Variants in STAG1 observed in about 807,000 individuals in gnomAD.
STAG1 encodes the protein STAG1 cohesin complex component.
STAG1 carries 26 observed loss-of-function variants against 170.9 expected under a neutral mutation model. That is an observed-to-expected ratio of 0.15 (90% CI 0.11 to 0.21). The LOEUF is 0.21. STAG1 is among the 10% of genes least tolerant of loss of function. The pLI is 1.00. For missense variants in STAG1, 964 were observed against 1,509.5 expected, an observed-to-expected ratio of 0.64 and a Z score of 5.99; for synonymous variants, 514 against 497.7, an observed-to-expected ratio of 1.03 and a Z score of -0.44.
At chr3:136,517,760 C>T (rs1398886476) in intron 7 of STAG1, among the ~76,000 whole-genome samples, 1 of 151,962 alleles carries the variant, frequency 6.6e-6, no homozygotes, top group Non-Finnish European at 1.5e-5. Context: ...AACTGTACTA[C>T]TATGTCCCAC....
rs140672973 is a variant in STAG1 at position 136,628,027 on chromosome 3, C to T, written c.29+2843G>A. ...TGCTGATACGGTTTGGCTCTGTGTC[C>T]TCACCAAAATCTCATCTCGAACTGT... On this transcript the variant is annotated intron_variant, in intron 2 of 33. Transcript: ENST00000383202. Among the ~76,000 whole-genome samples, 3 of 152,272 alleles carry T rather than the reference C, an allele frequency of 2.0e-5. No homozygotes were observed. The East Asian group carries it at 5.8e-4, about 29-fold the overall frequency.
intron 16 of STAG1, among the ~76,000 whole-genome samples, chr3:136,431,015 TGCCTCAG>T (rs1435989143): frequency 1.3e-5 from 2 of 152,134 alleles, no homozygotes; most frequent in Non-Finnish European, 2.9e-5. Context: ...GCAATTCTCC[TGCCTCAG>T]CCTCTCGAGT....
chr3:136,646,529 T>C (rs554102250), intron 1 of STAG1, among the ~76,000 whole-genome samples: 12 of 152,352 alleles, frequency 7.9e-5, no homozygotes, highest in Non-Finnish European at 1.3e-4. Context: ...AAATAAGGTA[T>C]CCTTGTGGGA....
intron 1 of STAG1, among the ~76,000 whole-genome samples, chr3:136,686,906 G>C (rs560688260): frequency 6.6e-6 from 1 of 152,184 alleles, no homozygotes; most frequent in Non-Finnish European, 1.5e-5. Context: ...GAGATGCAAT[G>C]GCTTAAGCTG....
chr3:136,487,806 A>G (rs1027587760), intron 9 of STAG1, among the ~76,000 whole-genome samples: 1 of 152,216 alleles, frequency 6.6e-6, no homozygotes, highest in Non-Finnish European at 1.5e-5. Flanking sequence ...AATATAATGT[A>G]GTAGAAATGA....
At chr3:136,538,204 C>T (rs1327535233) in intron 6 of STAG1, among the ~76,000 whole-genome samples, 6 of 152,036 alleles carry the variant, frequency 3.9e-5, no homozygotes, top group South Asian at 2.1e-4. Flanking sequence ...ATAATGATAG[C>T]GCAATACTAT....
At chr3:136,716,108 A>G (rs536754483) in intron 1 of STAG1, among the ~76,000 whole-genome samples, 75 of 151,690 alleles carry the variant, frequency 4.9e-4, no homozygotes, top group Non-Finnish European at 3.2e-4. Context: ...AAAAAATAAT[A>G]ATAAAAATTA....
chr3:136,688,828 T>C (rs897779321), intron 1 of STAG1, among the ~76,000 whole-genome samples: 2 of 152,170 alleles, frequency 1.3e-5, no homozygotes, highest in African/African-American at 4.8e-5. Context: ...AAGATGAAAG[T>C]TTGTGAGCCC....
intron 25 of STAG1, among the ~76,000 whole-genome samples, chr3:136,364,735 G>T (rs1937010943): frequency 6.6e-6 from 1 of 152,050 alleles, no homozygotes; most frequent in Admixed American, 6.6e-5. Context: ...TAATCAAAAG[G>T]TTTCATTTAA....
intron 7 of STAG1, 151 bp downstream of exon 7, chr3:136,521,062 T>C (rs1025517088): frequency 5.8e-6 from 4 of 693,556 alleles, no homozygotes; most frequent in Admixed American, 3.1e-5. Context: ...ATGCCAGTTA[T>C]GAAAACAGGC....
chr3:136,705,424 C>CTT (rs1491492781), intron 1 of STAG1, among the ~76,000 whole-genome samples: 132 of 131,240 alleles, frequency 1.0e-3, no homozygotes, highest in African/African-American at 1.7e-3. Context: ...CACACACACA[C>CTT]AACGAAGTTC....
intron 1 of STAG1, among the ~76,000 whole-genome samples, chr3:136,664,306 C>T (rs551817662): frequency 7.9e-5 from 12 of 152,186 alleles, no homozygotes; most frequent in African/African-American, 2.6e-4. Flanking sequence ...GTATTTTGAA[C>T]TATGGAACAT....
chr3:136,730,846 G>A (rs2107939778), intron 1 of STAG1, among the ~76,000 whole-genome samples: 1 of 152,298 alleles, frequency 6.6e-6, no homozygotes, highest in South Asian at 2.1e-4. Context: ...AACACTTTCT[G>A]AAGAGGTGGG....
rs535633157 is a variant in STAG1 at position 136,653,226 on chromosome 3, C to T, written c.-83-22245G>A. ...GGCAGAAGTTGCGGTGAGCCGAGAT[C>T]GTGCTGTTGCACTCCAGCCTGGGCA... On this transcript the variant is annotated intron_variant, in intron 1 of 33. Transcript: ENST00000383202. Among the ~76,000 whole-genome samples the T allele has an allele frequency of 5.9e-5, 9 of 151,370 alleles. No individual in the cohort carries two copies. In the South Asian group the frequency reaches 1.7e-3, roughly 28 times the overall value.
chr3:136,546,395 G>A (rs936160655), intron 5 of STAG1, among the ~76,000 whole-genome samples: 2 of 152,060 alleles, frequency 1.3e-5, no homozygotes, highest in Non-Finnish European at 2.9e-5. Flanking sequence ...TATTTTTGTA[G>A]AGAAAGTCCC....
chr3:136,624,643 A>G (rs1940015375), intron 2 of STAG1, among the ~76,000 whole-genome samples: 1 of 152,222 alleles, frequency 6.6e-6, no homozygotes, highest in African/African-American at 2.4e-5. Flanking sequence ...ACCATCCGAT[A>G]CACCTTTAAG....
At chr3:136,741,219 A>G (rs747959141) in intron 1 of STAG1, among the ~76,000 whole-genome samples, 2 of 152,210 alleles carry the variant, frequency 1.3e-5, no homozygotes, top group Non-Finnish European at 2.9e-5. Flanking sequence ...CCTCTTCCCA[A>G]TGACCTATGC....
At chr3:136,493,176 T>C (rs1431837635) in intron 9 of STAG1, among the ~76,000 whole-genome samples, 1 of 152,072 alleles carries the variant, frequency 6.6e-6, no homozygotes, top group African/African-American at 2.4e-5. Context: ...ACTTCGTCTC[T>C]ACTGAAAATA....
At chr3:136,479,476 A>G (rs2089865671) in intron 9 of STAG1, among the ~76,000 whole-genome samples, 1 of 80,542 alleles carries the variant, frequency 1.2e-5, no homozygotes, top group African/African-American at 4.1e-5. Flanking sequence ...CCAGTCTATC[A>G]TTGTTGGACA....
Sources: allele counts gnomAD v4.1 joint callset (sites outside exome capture counted in the v4.1 genomes callset), GRCh38; gene constraint gnomAD v4.1.1; transcripts MANE v1.5; gene names NCBI Gene and HGNC (gene_info 2026-07-23, HGNC 2026-07-21).